Variants in DAAM1 observed in about 807,000 individuals in gnomAD.
DAAM1 encodes the protein dishevelled associated activator of morphogenesis 1, also known as disheveled-associated activator of morphogenesis 1.
In DAAM1, 52 loss-of-function variants were observed where a neutral mutation model predicts 130.0. That is an observed-to-expected ratio of 0.40 (90% CI 0.32 to 0.50). The LOEUF is 0.50. Among genes scored for constraint, DAAM1 ranks in the 20% least tolerant of loss-of-function variants. DAAM1 has a pLI of 0.61. For synonymous variants in DAAM1, 452 were observed against 444.5 expected (o/e 1.02, Z -0.21); for missense variants, 1,134 against 1,303.8 (o/e 0.87, Z 2.01).
intron 1 of DAAM1, among the ~76,000 whole-genome samples, chr14:59,211,324 C>G (rs144117347): frequency 6.6e-6 from 1 of 152,210 alleles, no homozygotes; most frequent in African/African-American, 2.4e-5. Flanking sequence ...TTAAAGTGCT[C>G]CATCTGTATT....
In DAAM1 at chr14:59,370,144, C is replaced by CTTTTTTTTTTTTTTTTTTTTTTTTTT. The variant is rs398025271; in HGVS notation, c.*1286_*1311dup. ...TATAAAGAGGACTGTTACTTTTTTA[C>CTTTTTTTTTTTTTTTTTTTTTTTTTT]TTTTTTTTTTTTTTTTTTTTTTTTT... On this transcript the variant is annotated 3_prime_UTR_variant, in exon 25 of 25. Transcript: ENST00000360909. 43 of 95,374 alleles carry CTTTTTTTTTTTTTTTTTTTTTTTTTT rather than the reference C, an allele frequency of 4.5e-4. 1 individual carries two copies. The highest frequency in any genetic ancestry group is 6.0e-4 in the Non-Finnish European group (28 of 46,352). The allele number at this position is 95,374 out of a possible 1,614,324, so 5.9% of individuals were successfully genotyped here.
chr14:59,344,790 T>C (rs1440866138), intron 16 of DAAM1, among the ~76,000 whole-genome samples: 5 of 152,222 alleles, frequency 3.3e-5, no homozygotes, highest in African/African-American at 2.4e-5. Flanking sequence ...AGAAGTTCTG[T>C]GCTCCATATG....
At chr14:59,271,775 A>G (rs1882720492) in intron 2 of DAAM1, among the ~76,000 whole-genome samples, 2 of 152,284 alleles carry the variant, frequency 1.3e-5, no homozygotes, top group Middle Eastern at 3.4e-3. Flanking sequence ...GCCTTTAATA[A>G]TAAAGTACTT....
chr14:59,321,557 C>G (rs1407657391), intron 5 of DAAM1, among the ~76,000 whole-genome samples: 2 of 152,198 alleles, frequency 1.3e-5, no homozygotes, highest in African/African-American at 2.4e-5. Context: ...CACTTTCATT[C>G]CTTTAATGCC....
chr14:59,198,039 C>G (rs1360398054), intron 1 of DAAM1, among the ~76,000 whole-genome samples: 1 of 152,076 alleles, frequency 6.6e-6, no homozygotes, highest in Non-Finnish European at 1.5e-5. Flanking sequence ...TGCTGGGTTT[C>G]ACTTATCTTA....
chr14:59,359,838 A>G (rs1886636189), intron 21 of DAAM1, among the ~76,000 whole-genome samples: 1 of 152,256 alleles, frequency 6.6e-6, no homozygotes, highest in South Asian at 2.1e-4. Context: ...AATAATTTTC[A>G]CATATGCACA....
At chr14:59,308,513 A>AT (rs1216175105) in intron 3 of DAAM1, among the ~76,000 whole-genome samples, 1 of 152,008 alleles carries the variant, frequency 6.6e-6, no homozygotes, top group African/African-American at 2.4e-5. Flanking sequence ...TGTCCGGTGA[A>AT]TTTTTTAACA....
At position 59,238,658 on chromosome 14, in the gene DAAM1, G is replaced by A. The variant is rs192712684; in HGVS notation, c.-37-24783G>A. 2.5e-3 allele frequency among the ~76,000 whole-genome samples: 384 copies of A among 152,236 alleles called. 1 individual carries two copies. Among genetic ancestry groups the A allele is most frequent in the Non-Finnish European group, 3.8e-3 (259 of 68,012 alleles). ...CAATTTTGTATTCCTAACCCTTCAC[G>A]TATAACCCCTGACATGTAGCGGCTT... On this transcript the variant is annotated intron_variant, in intron 1 of 24. Coordinates refer to ENST00000360909, the MANE Select transcript of DAAM1 (RefSeq NM_001270520.2).
At chr14:59,223,454 A>G (rs914281623) in intron 1 of DAAM1, among the ~76,000 whole-genome samples, 3 of 152,176 alleles carry the variant, frequency 2.0e-5, no homozygotes, top group Non-Finnish European at 4.4e-5. Context: ...AAAATCCTAA[A>G]AGCCGGTGCT....
At chr14:59,204,570 A>G (rs1888204342) in intron 1 of DAAM1, among the ~76,000 whole-genome samples, 1 of 152,230 alleles carries the variant, frequency 6.6e-6, no homozygotes, top group Non-Finnish European at 1.5e-5. Flanking sequence ...TGAGAGTGGT[A>G]TCTCATCATA....
At chr14:59,249,004 G>T (rs931825296) in intron 1 of DAAM1, among the ~76,000 whole-genome samples, 5 of 152,160 alleles carry the variant, frequency 3.3e-5, no homozygotes, top group Admixed American at 3.3e-4. Context: ...AGCCAGGATG[G>T]TCTCGATCTC....
intron 2 of DAAM1, among the ~76,000 whole-genome samples, chr14:59,280,769 A>G (rs1883179988): frequency 6.6e-6 from 1 of 152,044 alleles, no homozygotes; most frequent in African/African-American, 2.4e-5. Context: ...GCCTTGTAAA[A>G]GCTTATATGA....
At chr14:59,274,570 A>G (rs1882871351) in intron 2 of DAAM1, among the ~76,000 whole-genome samples, 2 of 152,158 alleles carry the variant, frequency 1.3e-5, no homozygotes, top group African/African-American at 4.8e-5. Flanking sequence ...CTTGGTCCAG[A>G]GTAGGTGCTC....
At chr14:59,314,912 A>G (rs1594816598) in intron 3 of DAAM1, among the ~76,000 whole-genome samples, 2 of 152,182 alleles carry the variant, frequency 1.3e-5, no homozygotes, top group Admixed American at 6.5e-5. Flanking sequence ...ACCTAAGGCA[A>G]GTTTCCTTCT....
At chr14:59,334,696 T>C (rs1199604887) in intron 15 of DAAM1, among the ~76,000 whole-genome samples, 40 of 152,230 alleles carry the variant, frequency 2.6e-4, no homozygotes, top group Admixed American at 2.6e-3. Flanking sequence ...TAAGTGTATA[T>C]GCACACACAT....
intron 20 of DAAM1, 75 bp from the exon 21 acceptor site, chr14:59,359,322 T>A (rs1254099383): frequency 1.8e-6 from 2 of 1,083,396 alleles, no homozygotes; most frequent in Non-Finnish European, 2.7e-6. Context: ...ATGCAGATAT[T>A]AACTATTCAT....
chr14:59,300,750 A>G (rs1594808721), intron 3 of DAAM1, among the ~76,000 whole-genome samples: 1 of 152,152 alleles, frequency 6.6e-6, no homozygotes, highest in African/African-American at 2.4e-5. Flanking sequence ...ACTTACCCAT[A>G]TATTTATAGC....
intron 1 of DAAM1, among the ~76,000 whole-genome samples, chr14:59,238,806 C>G (rs1053666904): frequency 1.2e-4 from 18 of 152,002 alleles, no homozygotes; most frequent in African/African-American, 4.3e-4. Flanking sequence ...ACATATTGTT[C>G]TTAAAACCAT....
chr14:59,240,126 G>A (rs1276807610), intron 1 of DAAM1, among the ~76,000 whole-genome samples: 3 of 152,080 alleles, frequency 2.0e-5, no homozygotes, highest in South Asian at 2.1e-4. Context: ...TAATAATGCT[G>A]TAGCTTGAAA....
Sources: gnomAD v4.1 joint callset for allele counts (sites outside exome capture counted in the v4.1 genomes callset) on GRCh38, gnomAD v4.1.1 for gene constraint, MANE v1.5 for transcripts, NCBI Gene and HGNC (gene_info 2026-07-23, HGNC 2026-07-21) for gene names.